KAZN: variants seen among roughly 807,000 people sequenced by gnomAD.
KAZN encodes kazrin, periplakin interacting protein.
In KAZN, 40 loss-of-function variants were observed where a neutral mutation model predicts 87.4. The observed-to-expected ratio is 0.46, with a 90% confidence interval of 0.36 to 0.60. The LOEUF (loss-of-function observed/expected upper bound fraction) is 0.60. KAZN is among the 20% of genes least tolerant of loss of function. The probability of loss-of-function intolerance (pLI) is 0.00; values close to 1 mark genes in which losing one functional copy is unlikely to be tolerated. For synonymous variants in KAZN, 466 were observed against 458.3 expected (o/e 1.02, Z -0.22); for missense variants, 898 against 1,073.9 (o/e 0.84, Z 2.29).
chr1:13,960,497 G>C (rs1308296553), intron 1 of KAZN, among the ~76,000 whole-genome samples: 12 of 152,162 alleles, frequency 7.9e-5, no homozygotes, highest in Admixed American at 7.9e-4. Flanking sequence ...GGGCCACAGA[G>C]ATGAAGGTGA....
chr1:14,179,167 C>T (rs1557540764), intron 1 of KAZN, among the ~76,000 whole-genome samples: 1 of 152,168 alleles, frequency 6.6e-6, no homozygotes, highest in African/African-American at 2.4e-5. Context: ...AAAGGCAACC[C>T]CTTTGCAGAT....
intron 1 of KAZN, among the ~76,000 whole-genome samples, chr1:14,911,165 C>T (rs1026151706): frequency 2.0e-5 from 3 of 152,144 alleles, no homozygotes; most frequent in African/African-American, 7.2e-5. Context: ...TTCTAAATTC[C>T]GAGGGAGAGA....
At chr1:15,101,513 A>C in intron 10 of KAZN, 30 bp from the exon 11 acceptor site, 1 of 1,480,512 alleles carries the variant, frequency 6.8e-7, no homozygotes, top group East Asian at 2.5e-5. Context: ...TTCCCCACCC[A>C]TCCACTCTCT....
rs1419077974 is a variant in KAZN, at chr1:14,598,968, C to G, written c.-30C>G. ...CGCGCATCATGCAGCTCTTTGTCAC[C>G]TCTCTCGCCCCCAGGCCAAAATCCT... On this transcript the variant is annotated 5_prime_UTR_variant, in exon 1 of 15. Transcript: ENST00000376030. The surrounding 1 kb of genome is among the most constrained non-coding windows in gnomAD (Gnocchi z 4.2). The G allele has an allele frequency of 6.4e-7, 1 of 1,563,912 alleles. No individual in the cohort carries two copies. The highest frequency in any genetic ancestry group is 2.6e-5 in the East Asian group (1 of 38,110).
chr1:15,022,186 C>T (rs1218164814), intron 2 of KAZN, among the ~76,000 whole-genome samples: 1 of 152,042 alleles, frequency 6.6e-6, no homozygotes, highest in African/African-American at 2.4e-5. Flanking sequence ...ACGGGCCATG[C>T]ACCCCCCTCC....
At position 14,696,912 on chromosome 1, in the gene KAZN, T is replaced by C. The variant is rs12066609; in HGVS notation, c.226+97689T>C. 8.2e-3 allele frequency among the ~76,000 whole-genome samples: 1,243 copies of C among 152,152 alleles called. 20 individuals are homozygous for C. The highest frequency in any genetic ancestry group is 0.028 in the African/African-American group (1,152 of 41,506). ...AAACAGTGAACAGGAGTCAAGTAAA[T>C]GCAGCTGCCAACAGGCGGGGGTCCT... On this transcript the variant is annotated intron_variant, in intron 1 of 14. Transcript: ENST00000376030.
intron 2 of KAZN, among the ~76,000 whole-genome samples, chr1:14,501,199 A>G (rs1670232360): frequency 6.6e-6 from 1 of 152,038 alleles, no homozygotes; most frequent in South Asian, 2.1e-4. Context: ...TCCCTCCAAG[A>G]TCAGAAATAA....
intron 2 of KAZN, among the ~76,000 whole-genome samples, chr1:14,319,008 A>ATTTT (rs1040346321): frequency 9.0e-4 from 113 of 125,750 alleles, no homozygotes; most frequent in African/African-American, 3.4e-3. Context: ...TTGACCTTTT[A>ATTTT]TTTTTATTTA....
At chr1:13,916,587 A>G (rs1296442649) in intron 1 of KAZN, among the ~76,000 whole-genome samples, 1 of 152,200 alleles carries the variant, frequency 6.6e-6, no homozygotes, top group Non-Finnish European at 1.5e-5. Flanking sequence ...AATAGCAGAG[A>G]GAATTAGACA....
At chr1:14,652,938 C>A (rs1393933470) in intron 1 of KAZN, among the ~76,000 whole-genome samples, 1 of 152,026 alleles carries the variant, frequency 6.6e-6, no homozygotes, top group Non-Finnish European at 1.5e-5. Context: ...TCCAAGGATG[C>A]TGCTACTCAT....
At chr1:15,068,164 G>A in intron 8 of KAZN, 2 of 854,252 alleles carry the variant, frequency 2.3e-6, no homozygotes, top group Non-Finnish European at 2.8e-6. Flanking sequence ...CGAATTCTAT[G>A]TTATTTGATT....
intron 1 of KAZN, among the ~76,000 whole-genome samples, chr1:14,642,959 C>G (rs1680518121): frequency 6.6e-6 from 1 of 152,182 alleles, no homozygotes; most frequent in African/African-American, 2.4e-5. Context: ...AGATTTGGCA[C>G]TGTCTTATAA....
intron 2 of KAZN, among the ~76,000 whole-genome samples, chr1:14,344,131 G>A (rs895537370): frequency 1.3e-5 from 2 of 149,532 alleles, no homozygotes; most frequent in African/African-American, 5.0e-5. Flanking sequence ...AACCTCCAGA[G>A]AAGTATTGAT....
At chr1:14,474,853 T>C (rs1668633171) in intron 2 of KAZN, among the ~76,000 whole-genome samples, 1 of 152,042 alleles carries the variant, frequency 6.6e-6, no homozygotes, top group Non-Finnish European at 1.5e-5. Flanking sequence ...TAGTGAGGCA[T>C]CACCAACAAA....
chr1:14,682,182 T>A (rs900711151), intron 1 of KAZN, among the ~76,000 whole-genome samples: 1 of 152,138 alleles, frequency 6.6e-6, no homozygotes, highest in Non-Finnish European at 1.5e-5. Flanking sequence ...CTCTATGGAT[T>A]TCACTGCTCT....
At chr1:14,267,647 C>A (rs1307675000) in intron 2 of KAZN, among the ~76,000 whole-genome samples, 2 of 152,112 alleles carry the variant, frequency 1.3e-5, no homozygotes, top group Non-Finnish European at 2.9e-5. Context: ...TATGTAACCA[C>A]GACTAAAAGA....
chr1:15,077,976 T>C lies in KAZN; in HGVS notation c.1222+12223T>C, dbSNP rs1639833892. 6.6e-6 allele frequency among the ~76,000 whole-genome samples: 1 copy of C among 152,190 alleles called. No homozygotes were observed. Among genetic ancestry groups the C allele is most frequent in the Non-Finnish European group, 1.5e-5 (1 of 68,040 alleles). ...ACGAACACTGACTGAATGTTTCCTA[T>C]ATGCCAGGTTTAGGGCTTAGGGCTG... On this transcript the variant is annotated intron_variant, in intron 8 of 14. Coordinates refer to ENST00000376030, the MANE Select transcript of KAZN (RefSeq NM_201628.3). The surrounding 1 kb of genome is among the most constrained non-coding windows in gnomAD (Gnocchi z 4.8).
chr1:14,498,313 G>T (rs1419688932), intron 2 of KAZN, among the ~76,000 whole-genome samples: 1 of 152,176 alleles, frequency 6.6e-6, no homozygotes, highest in Admixed American at 6.5e-5. Context: ...CCTTTCTCCA[G>T]CCTTCTCCTG....
chr1:14,151,835 A>C (rs1182999449), intron 1 of KAZN, among the ~76,000 whole-genome samples: 6 of 152,236 alleles, frequency 3.9e-5, no homozygotes, highest in Non-Finnish European at 8.8e-5. Context: ...AGAGCTCCCC[A>C]GTAGTAAATT....
Sources: allele counts gnomAD v4.1 joint callset (sites outside exome capture counted in the v4.1 genomes callset), GRCh38; gene constraint gnomAD v4.1.1; non-coding constraint Gnocchi (gnomAD v3.1); transcripts MANE v1.5; gene names NCBI Gene and HGNC (gene_info 2026-07-23, HGNC 2026-07-21).